IGFBP7: variants seen among roughly 807,000 people sequenced by gnomAD.
The protein encoded by IGFBP7 is insulin-like growth factor-binding protein 7.
In IGFBP7, 31 loss-of-function variants were observed where a neutral mutation model predicts 29.4. The observed-to-expected ratio is 1.05, with a 90% CI of 0.79 to 1.42. The LOEUF (loss-of-function observed/expected upper bound fraction) is 1.42, where lower values mean the gene tolerates loss of function less well. Among genes scored for constraint, IGFBP7 ranks in the 40% most tolerant of loss-of-function variants. The pLI is 0.00. For synonymous variants in IGFBP7, 172 were observed against 174.9 expected, an observed-to-expected ratio of 0.98 and a Z score of 0.13; for missense variants, 393 against 395.5, an observed-to-expected ratio of 0.99 and a Z score of 0.05.
At position 57,054,849 on chromosome 4, in the gene IGFBP7, G is replaced by A. The variant is rs150963933; in HGVS notation, c.476-13916C>T. Reference sequence around the variant, plus strand: ...CAGTTCTGCTGTTCCCTGTACACTCGGACAACCAAGGAGGACCAGGAGACT... The same window carrying A: ...CAGTTCTGCTGTTCCCTGTACACTCAGACAACCAAGGAGGACCAGGAGACT... On this transcript the variant is annotated intron_variant, in intron 1 of 4. Coordinates refer to ENST00000295666, the MANE Select transcript of IGFBP7 (RefSeq NM_001553.3). 4.5e-4 allele frequency among the ~76,000 whole-genome samples: 69 copies of A among 152,134 alleles called. No homozygotes were observed. The South Asian group carries it at 0.012, about 27-fold the overall frequency.
chr4:57,031,190 G>T lies in IGFBP7; in HGVS notation c.*127C>A. 3 of 855,270 alleles carry T rather than the reference G, an allele frequency of 3.5e-6. No homozygotes were observed. The highest frequency in any genetic ancestry group is 3.0e-5 in the South Asian group (2 of 67,642). The allele number at this position is 855,270 out of a possible 1,614,324, so 53.0% of individuals were successfully genotyped here. On this transcript the variant is annotated 3_prime_UTR_variant, in exon 5 of 5. Transcript: ENST00000295666. ...TGTGATCTTTATTTTGTATTTCTCT[G>T]TGTAAAACCAGTGAATATAACTAAA...
intron 1 of IGFBP7, among the ~76,000 whole-genome samples, chr4:57,045,544 A>G (rs532148614): frequency 2.6e-5 from 4 of 152,188 alleles, no homozygotes; most frequent in Non-Finnish European, 5.9e-5. Flanking sequence ...CTCTTAGAGT[A>G]CATGGAGGCG....
At chr4:57,033,559 A>G (rs964151170) in intron 2 of IGFBP7, among the ~76,000 whole-genome samples, 3 of 152,320 alleles carry the variant, frequency 2.0e-5, no homozygotes, top group African/African-American at 7.2e-5. Flanking sequence ...CCTGGGGAAT[A>G]TACATGGTCA....
At chr4:57,105,526 G>A (rs904547215) in intron 1 of IGFBP7, among the ~76,000 whole-genome samples, 1 of 152,150 alleles carries the variant, frequency 6.6e-6, no homozygotes, top group African/African-American at 2.4e-5. Context: ...GTTCATCCAC[G>A]CTTTCTATGG....
intron 1 of IGFBP7, among the ~76,000 whole-genome samples, chr4:57,055,970 C>G (rs148984815): frequency 6.6e-6 from 1 of 152,062 alleles, no homozygotes; most frequent in Non-Finnish European, 1.5e-5. Flanking sequence ...GGCTGCTTGG[C>G]GGGCGTCTGG....
intron 1 of IGFBP7, among the ~76,000 whole-genome samples, chr4:57,072,339 T>G (rs1489749575): frequency 6.6e-6 from 1 of 152,146 alleles, no homozygotes. Context: ...CATTCTTTTT[T>G]ATGGCTGCAG....
chr4:57,109,163 C>G (rs564224103), intron 1 of IGFBP7, among the ~76,000 whole-genome samples: 46 of 152,190 alleles, frequency 3.0e-4, no homozygotes, highest in African/African-American at 1.1e-3. Context: ...GGGCTGTGCA[C>G]GGTGGTTTAT....
chr4:57,109,926 G>T lies in IGFBP7; in HGVS notation c.426C>A (p.Ser142Arg). 6.4e-7 allele frequency: 1 copy of T among 1,557,708 alleles called. No homozygotes were observed. Among genetic ancestry groups the T allele is most frequent in the South Asian group, 1.2e-5 (1 of 85,526 alleles). Residue 142 changes from serine (S) to arginine (R), a missense_variant, in exon 1 of 5, where the codon AGC (serine) becomes AGA (arginine). Transcript: ENST00000295666. Reference protein sequence around the residue: ...QLRAASQRAESRGEKAITQVS... With the variant: ...QLRAASQRAERRGEKAITQVS... ...CCTGGGTGATGGCCTTCTCCCCGCGGCTCTCGGCCCTCTGGCTGGCGGCGC... is the reference window on the plus strand; with the variant it reads ...CCTGGGTGATGGCCTTCTCCCCGCGTCTCTCGGCCCTCTGGCTGGCGGCGC...
chr4:57,066,169 T>A, intron 1 of IGFBP7, among the ~76,000 whole-genome samples: 1 of 152,228 alleles, frequency 6.6e-6, no homozygotes, highest in East Asian at 1.9e-4. Flanking sequence ...AGTGACTTAC[T>A]CTGGTGACGC....
At chr4:57,055,836 C>T (rs1724655441) in intron 1 of IGFBP7, among the ~76,000 whole-genome samples, 1 of 152,038 alleles carries the variant, frequency 6.6e-6, no homozygotes, top group East Asian at 1.9e-4. Context: ...ATTTCTGGTC[C>T]GATTGCCTCT....
At chr4:57,071,205 G>T (rs946374169) in intron 1 of IGFBP7, among the ~76,000 whole-genome samples, 1 of 93,578 alleles carries the variant, frequency 1.1e-5, no homozygotes, top group African/African-American at 4.0e-5. Flanking sequence ...TTGATATATT[G>T]GGGGGGAATG....
chr4:57,039,905 C>CATGTG (rs1724177981), intron 2 of IGFBP7, among the ~76,000 whole-genome samples: 1 of 151,592 alleles, frequency 6.6e-6, no homozygotes, highest in African/African-American at 2.4e-5. Flanking sequence ...GGATTACAGG[C>CATGTG]ATGTGCTACT....
At chr4:57,085,402 C>T (rs4508955) in intron 1 of IGFBP7, among the ~76,000 whole-genome samples, 123,572 of 152,094 alleles carry the variant, frequency 0.81, 50,295 homozygotes, top group East Asian at 0.96. Context: ...CTTTTAACCT[C>T]CTAGTCTTTT....
intron 1 of IGFBP7, among the ~76,000 whole-genome samples, chr4:57,053,268 C>T (rs554233379): frequency 1.5e-4 from 23 of 152,284 alleles, no homozygotes; most frequent in African/African-American, 2.4e-4. Context: ...CTGCCCGCTT[C>T]GGGCTCCCAG....
chr4:57,096,240 G>A (rs1725761554), intron 1 of IGFBP7, among the ~76,000 whole-genome samples: 1 of 148,374 alleles, frequency 6.7e-6, no homozygotes. Context: ...CACTACATTG[G>A]GTGATCATGT....
rs61486302 is a variant in IGFBP7, at chr4:57,090,720, C to T, written c.475+19157G>A. ...AAAAATAGCCAGGTGTGGTGGTGCA[C>T]GCCTGTAATCCTAGCTACTTGGGAG... On this transcript the variant is annotated intron_variant, in intron 1 of 4. Coordinates refer to ENST00000295666, the MANE Select transcript of IGFBP7 (RefSeq NM_001553.3). Among the ~76,000 whole-genome samples the T allele has an allele frequency of 4.0e-3, 604 of 152,040 alleles. 6 individuals carry two copies. Among genetic ancestry groups the T allele is most frequent in the African/African-American group, 0.014 (560 of 41,442 alleles).
At chr4:57,056,260 C>A (rs1335563612) in intron 1 of IGFBP7, among the ~76,000 whole-genome samples, 1 of 152,146 alleles carries the variant, frequency 6.6e-6, no homozygotes, top group Non-Finnish European at 1.5e-5. Flanking sequence ...CTCTCAGCTT[C>A]CTAGCAGGAT....
At chr4:57,055,451 G>A (rs1724635559) in intron 1 of IGFBP7, among the ~76,000 whole-genome samples, 1 of 152,216 alleles carries the variant, frequency 6.6e-6, no homozygotes, top group South Asian at 2.1e-4. Flanking sequence ...GAAAGGAGGA[G>A]AGGGGGACAG....
chr4:57,058,489 C>G (rs1011170816), intron 1 of IGFBP7, among the ~76,000 whole-genome samples: 1 of 152,140 alleles, frequency 6.6e-6, no homozygotes, highest in African/African-American at 2.4e-5. Flanking sequence ...CAAAAACAAG[C>G]AATGGGGAAA....
Sources: gnomAD v4.1 joint callset for allele counts (sites outside exome capture counted in the v4.1 genomes callset) on GRCh38, gnomAD v4.1.1 for gene constraint, MANE v1.5 for transcripts, NCBI Gene and HGNC (gene_info 2026-07-23, HGNC 2026-07-21) for gene names.